The following MYADM variants were observed in gnomAD, a reference collection of about 807,000 sequenced individuals.
MYADM encodes myeloid-associated differentiation marker.
For missense variants in MYADM, 416 were observed against 443.4 expected (o/e 0.94, Z 0.56); for synonymous variants, 224 against 210.2 (o/e 1.07, Z -0.57).
intron 2 of MYADM, among the ~76,000 whole-genome samples, chr19:53,871,637 A>AT (rs1268611371): frequency 6.6e-6 from 1 of 151,986 alleles, no homozygotes; most frequent in Admixed American, 6.6e-5. Context: ...CGGAGCTCTT[A>AT]TTAGATGTGG....
Position 53,874,563 on chromosome 19 carries a change from A to T in MYADM, c.*65A>T, listed in dbSNP as rs554747170. On this transcript the variant is annotated 3_prime_UTR_variant, in exon 3 of 3. Transcript: ENST00000391770. Reference sequence around the variant, plus strand: ...TGTTCTTCTTGCCCGAGTTTTCTTTATGGAGTACTTCTTTCCTCCGCCTTT... The same window carrying T: ...TGTTCTTCTTGCCCGAGTTTTCTTTTTGGAGTACTTCTTTCCTCCGCCTTT... 95 of 1,495,750 alleles carry T rather than the reference A, an allele frequency of 6.4e-5. 1 individual carries two copies. The East Asian group carries it at 1.7e-3, about 27-fold the overall frequency. The allele number at this position is 1,495,750 out of a possible 1,614,324, so 92.7% of individuals were successfully genotyped here.
In MYADM at chr19:53,876,222, T is replaced by G. The variant is rs2068533593; in HGVS notation, c.*1724T>G. The G allele has an allele frequency of 6.0e-6, 1 of 165,722 alleles. No individual in the cohort carries two copies. 10.3% of individuals were successfully genotyped at this position (165,722 alleles called of 1,614,324 possible). ...TTTCTGTGTGCTAGTTGCTTCTTGC[T>G]GCTGCTTCCTGCTTGTCTGGGACTC... On this transcript the variant is annotated 3_prime_UTR_variant, in exon 3 of 3. Coordinates refer to ENST00000391770, the MANE Select transcript of MYADM (RefSeq NM_138373.5).
chr19:53,873,761 G>A lies in MYADM; in HGVS notation c.232G>A (p.Val78Met). Residue 78 changes from valine (V) to methionine (M), a missense_variant, in exon 3 of 3, where the codon GTG becomes ATG. By Grantham distance (21) the Val-to-Met change is conservative. Transcript: ENST00000391770. The surrounding 1 kb of genome is among the most constrained non-coding windows in gnomAD (Gnocchi z 4.3). ...GTTCACCTGGTGCTTCTGCTTCTCCGTGACCCTGATCATCCTCATCGTGGA... is the reference window on the plus strand; with the variant it reads ...GTTCACCTGGTGCTTCTGCTTCTCCATGACCCTGATCATCCTCATCGTGGA... ...SMFTWCFCFSVTLIILIVELC... is the reference protein window; with the variant it reads ...SMFTWCFCFSMTLIILIVELC... The A allele has an allele frequency of 1.9e-6, 3 of 1,613,870 alleles. No homozygotes were observed. The highest frequency in any genetic ancestry group is 1.1e-5 in the South Asian group (1 of 91,086).
At position 53,873,943 on chromosome 19, in the gene MYADM, C is replaced by T. The variant is rs772753619; in HGVS notation, c.414C>T (p.Ile138=). 4.3e-6 allele frequency: 7 copies of T among 1,611,166 alleles called. No homozygotes were observed. The South Asian group carries it at 7.7e-5, about 18-fold the overall frequency. The part of the protein sequence containing the change: ...LSHGRSRDHA[I]AATFFSCIAC... ...ACGGCCGTTCGCGGGACCACGCCAT[C>T]GCCGCCACCTTCTTCTCCTGCATCG... is the stretch of plus-strand genomic sequence containing the variant. Residue 138 remains isoleucine (I), a synonymous_variant, in exon 3 of 3, where the codon ATC becomes ATT. Coordinates refer to ENST00000391770, the MANE Select transcript of MYADM (RefSeq NM_138373.5). This position sits in a 1 kb window ranked among gnomAD's most constrained non-coding sequence, Gnocchi z 4.3.
chr19:53,873,439 T>A lies in MYADM; in HGVS notation c.-2-89T>A. 7.2e-7 allele frequency: 1 copy of A among 1,385,584 alleles called. No homozygotes were observed. Among genetic ancestry groups the A allele is most frequent in the Non-Finnish European group, 9.8e-7 (1 of 1,018,146 alleles). The allele number at this position is 1,385,584 out of a possible 1,614,324, so 85.8% of individuals were successfully genotyped here. A position where few individuals can be genotyped will look rare whatever the true frequency, so the allele number is the denominator to read the frequency against. ...GGAACTCCCTAATTAGAGCTCATAT[T>A]AATTTGTCCCTGGGGTAGGCAATGG... is the stretch of plus-strand genomic sequence containing the variant. On this transcript the variant is annotated intron_variant, in intron 2 of 2. Transcript: ENST00000391770. This position sits in a 1 kb window ranked among gnomAD's most constrained non-coding sequence, Gnocchi z 4.3.
chr19:53,866,299 C>A (rs2068244008), upstream of MYADM: 1 of 152,114 alleles, frequency 6.6e-6, no homozygotes, highest in South Asian at 2.1e-4. This position sits in a 1 kb window ranked among gnomAD's most constrained non-coding sequence, Gnocchi z 4.3. Flanking sequence ...AGGTGCCCAG[C>A]GGCGGCAGCG....
In MYADM at chr19:53,873,541, G is replaced by A. The variant is rs1255588157; in HGVS notation, c.12G>A (p.Thr4=). The A allele has an allele frequency of 6.2e-6, 10 of 1,604,206 alleles. No homozygotes were observed. The highest frequency in any genetic ancestry group is 8.5e-6 in the Non-Finnish European group (10 of 1,173,854). Residue 4 remains threonine (T), a synonymous_variant, in exon 3 of 3, where the codon ACG becomes ACA. Transcript: ENST00000391770. This position sits in a 1 kb window ranked among gnomAD's most constrained non-coding sequence, Gnocchi z 4.3. ...CCCTTTTTGCAGCCATGCCAGTGAC[G>A]GTAACCCGCACCACCATCACAACCA... The part of the protein sequence containing the change: MPV[T]VTRTTITTTT...
At position 53,873,734 on chromosome 19, in the gene MYADM, A is replaced by G. The variant is rs774556872; in HGVS notation, c.205A>G (p.Met69Val). The change falls in exon 3 of 3, where the codon ATG (methionine) becomes GTG (valine). Residue 69 changes from methionine (M) to valine (V), a missense_variant. Met to Val is a conservative substitution (Grantham distance 21). Transcript: ENST00000391770. The surrounding 1 kb of genome is among the most constrained non-coding windows in gnomAD (Gnocchi z 4.3). ...AWTGSMGNWS[M>V]FTWCFCFSVT... ...GACGGGGTCCATGGGCAACTGGTCC[A>G]TGTTCACCTGGTGCTTCTGCTTCTC... 1.2e-6 allele frequency: 2 copies of G among 1,613,976 alleles called. No homozygotes were observed. Among genetic ancestry groups the G allele is most frequent in the Non-Finnish European group, 1.7e-6 (2 of 1,180,002 alleles).
Position 53,874,630 on chromosome 19 carries a change from T to G in MYADM, c.*132T>G. On this transcript the variant is annotated 3_prime_UTR_variant, in exon 3 of 3. Transcript: ENST00000391770. ...CCTGTCTCCCCTCCCTCCCACCTTTTTCTTTCCTTCCCAATTCCTTGCACT... is the reference window on the plus strand; with the variant it reads ...CCTGTCTCCCCTCCCTCCCACCTTTGTCTTTCCTTCCCAATTCCTTGCACT... 1.9e-6 allele frequency: 2 copies of G among 1,064,374 alleles called. No homozygotes were observed. The highest frequency in any genetic ancestry group is 2.6e-6 in the Non-Finnish European group (2 of 755,132). 65.9% of individuals were successfully genotyped at this position (1,064,374 alleles called of 1,614,324 possible).
At position 53,873,496 on chromosome 19, in the gene MYADM, G is replaced by A; in HGVS notation, c.-2-32G>A. 1 of 1,567,704 alleles carries A rather than the reference G, an allele frequency of 6.4e-7. No homozygotes were observed. The highest frequency in any genetic ancestry group is 1.2e-5 in the South Asian group (1 of 84,222). ...GACCTGGATTCTTATGTTTGTGACT[G>A]TATAAGGACACTGTCTTTCCCCTTT... On this transcript the variant is annotated intron_variant, in intron 2 of 2. Transcript: ENST00000391770. The surrounding 1 kb of genome is among the most constrained non-coding windows in gnomAD (Gnocchi z 4.3).
At position 53,874,309 on chromosome 19, in the gene MYADM, C is replaced by G. The variant is rs903094915; in HGVS notation, c.780C>G (p.Leu260=). Reference sequence around the variant, plus strand: ...CCACCGCCCTTGTTCTCTGGCCCCTCTACCAGTTCGATGAGAAGTATGGCG... The same window carrying G: ...CCACCGCCCTTGTTCTCTGGCCCCTGTACCAGTTCGATGAGAAGTATGGCG... The part of the protein sequence containing the change: ...LYATALVLWP[L]YQFDEKYGGQ... Residue 260 remains leucine, a synonymous_variant, in exon 3 of 3, where the codon CTC becomes CTG. Transcript: ENST00000391770. The G allele has an allele frequency of 2.4e-5, 38 of 1,611,794 alleles. No individual in the cohort carries two copies. The highest frequency in any genetic ancestry group is 3.1e-5 in the Non-Finnish European group (36 of 1,178,344).
chr19:53,866,214 G>C (rs1009792895), upstream of MYADM: 2 of 152,520 alleles, frequency 1.3e-5, no homozygotes, highest in Admixed American at 1.3e-4. The surrounding 1 kb of genome is among the most constrained non-coding windows in gnomAD (Gnocchi z 4.3). Flanking sequence ...TTCGCCACTC[G>C]CGCGGCTTCC....
In MYADM at chr19:53,874,959, C is replaced by T. The variant is rs1331530668; in HGVS notation, c.*461C>T. The stretch of plus-strand genomic sequence containing the variant: ...CCCAGCCTGTTTCTCTTTTTCCACT[C>T]TTCTTTTTTCTCATCTCTTTTCTGG... On this transcript the variant is annotated 3_prime_UTR_variant, in exon 3 of 3. Transcript: ENST00000391770. 1 of 167,106 alleles carries T rather than the reference C, an allele frequency of 6.0e-6. No homozygotes were observed. Among genetic ancestry groups the T allele is most frequent in the African/African-American group, 2.4e-5 (1 of 41,340 alleles). The allele number at this position is 167,106 out of a possible 1,614,324, so 10.4% of individuals were successfully genotyped here.
chr19:53,866,543 G>T (rs1599904088), upstream of MYADM: 1 of 152,298 alleles, frequency 6.6e-6, no homozygotes, highest in African/African-American at 2.4e-5. The surrounding 1 kb of genome is among the most constrained non-coding windows in gnomAD (Gnocchi z 4.3). Context: ...TCCGTTTTAG[G>T]GCCGCAGAGC....
chr19:53,874,028 G>A lies in MYADM; in HGVS notation c.499G>A (p.Gly167Ser). The change falls in exon 3 of 3, where the codon GGC (glycine) becomes AGC (serine). Residue 167 changes from glycine (G) to serine (S), a missense_variant. Coordinates refer to ENST00000391770, the MANE Select transcript of MYADM (RefSeq NM_138373.5). ...CCGGGCCCGGCCCGGCGAGATCACTGGCTATATGGCCACCGTACCCGGGCT... is the reference window on the plus strand; with the variant it reads ...CCGGGCCCGGCCCGGCGAGATCACTAGCTATATGGCCACCGTACCCGGGCT... ...WTRARPGEIT[G>S]YMATVPGLLK... is the part of the protein sequence containing the mutation. 1 of 1,609,056 alleles carries A rather than the reference G, an allele frequency of 6.2e-7. No homozygotes were observed. Among genetic ancestry groups the A allele is most frequent in the Non-Finnish European group, 8.5e-7 (1 of 1,180,002 alleles).
At chr19:53,871,352 C>T (rs1474146923) in intron 2 of MYADM, among the ~76,000 whole-genome samples, 1 of 152,138 alleles carries the variant, frequency 6.6e-6, no homozygotes, top group African/African-American at 2.4e-5. Flanking sequence ...GGGGGACCAG[C>T]TGGCTGGGTT....
Position 53,876,034 on chromosome 19 carries a change from C to G in MYADM, c.*1536C>G, listed in dbSNP as rs1599931305. 1 of 162,942 alleles carries G rather than the reference C, an allele frequency of 6.1e-6. No homozygotes were observed. Among genetic ancestry groups the G allele is most frequent in the East Asian group, 1.9e-4 (1 of 5,176 alleles). The allele number at this position is 162,942 out of a possible 1,614,324, so 10.1% of individuals were successfully genotyped here. ...ACCTTTTCTGTTTTGTTTTGTTTTT[C>G]TTTCTTTTTCCTGGCCATGAGGACA... On this transcript the variant is annotated 3_prime_UTR_variant, in exon 3 of 3. Transcript: ENST00000391770.
upstream of MYADM, among the ~76,000 whole-genome samples, chr19:53,866,887 C>T (rs890030265): frequency 3.3e-5 from 5 of 152,206 alleles, no homozygotes; most frequent in African/African-American, 1.2e-4. This position sits in a 1 kb window ranked among gnomAD's most constrained non-coding sequence, Gnocchi z 4.3. Flanking sequence ...TGGTCTCGAA[C>T]TCCTGGGCTC....
chr19:53,873,489 T>C lies in MYADM; in HGVS notation c.-2-39T>C. ...GCTAAGGGACCTGGATTCTTATGTT[T>C]GTGACTGTATAAGGACACTGTCTTT... On this transcript the variant is annotated intron_variant, in intron 2 of 2. Coordinates refer to ENST00000391770, the MANE Select transcript of MYADM (RefSeq NM_138373.5). The surrounding 1 kb of genome is among the most constrained non-coding windows in gnomAD (Gnocchi z 4.3). 6.5e-7 allele frequency: 1 copy of C among 1,541,234 alleles called. No homozygotes were observed. Among genetic ancestry groups the C allele is most frequent in the South Asian group, 1.2e-5 (1 of 80,054 alleles).
Sources: allele counts gnomAD v4.1 joint callset (sites outside exome capture counted in the v4.1 genomes callset), GRCh38; gene constraint gnomAD v4.1.1; non-coding constraint Gnocchi (gnomAD v3.1); transcripts MANE v1.5; gene names NCBI Gene and HGNC (gene_info 2026-07-23, HGNC 2026-07-21).